Variants in NUDT4 observed in about 807,000 individuals in gnomAD.
NUDT4 encodes the protein nudix hydrolase 4.
A neutral mutation model predicts 23.1 loss-of-function variants in NUDT4; 5 were observed. The ratio of observed to expected loss-of-function variants is 0.22; its 90% CI spans 0.11 to 0.46. NUDT4 has a LOEUF of 0.46. Among genes scored for constraint, NUDT4 ranks in the 20% least tolerant of loss-of-function variants. NUDT4 has a pLI of 0.99. For missense variants in NUDT4, 96 were observed against 211.6 expected (o/e 0.45, Z 3.39); for synonymous variants, 50 against 79.0 (o/e 0.63, Z 1.95).
In NUDT4 at chr12:93,400,774, T is replaced by C. The variant is rs1877340657; in HGVS notation, c.*1395T>C. 1 of 152,302 alleles carries C rather than the reference T, an allele frequency of 6.6e-6. No individual in the cohort carries two copies. The highest frequency in any genetic ancestry group is 2.1e-4 in the South Asian group (1 of 4,836). 9.4% of individuals were successfully genotyped at this position (152,302 alleles called of 1,614,324 possible). ...ACAGGCGCCTGCCTCCATGCCTGGC[T>C]AATTTTGTATTTTTAGTAGAGACAG... On this transcript the variant is annotated 3_prime_UTR_variant, in exon 5 of 5. Coordinates refer to ENST00000415493, the MANE Select transcript of NUDT4 (RefSeq NM_019094.6).
At chr12:93,382,775 C>T (rs1254473462) in intron 1 of NUDT4, among the ~76,000 whole-genome samples, 7 of 148,368 alleles carry the variant, frequency 4.7e-5, no homozygotes, top group Non-Finnish European at 1.0e-4. Flanking sequence ...CTTCCAGGTT[C>T]ACGCCATTCT....
chr12:93,379,369 T>G (rs906681929), intron 1 of NUDT4, among the ~76,000 whole-genome samples: 2 of 152,186 alleles, frequency 1.3e-5, no homozygotes, highest in Admixed American at 6.5e-5. Flanking sequence ...ATAAATTACA[T>G]AGGTGAAAAA....
Position 93,403,326 on chromosome 12 carries a change from TTTGTTTTTTTGA to T in NUDT4, c.*3948_*3959del, listed in dbSNP as rs1565788733. ...TCTTGGTGTAGTTTTGGCTTTTTTG[TTTGTTTTTTTGA>T]GACAGCATCTCACACTGTCGCCCAG... On this transcript the variant is annotated 3_prime_UTR_variant, in exon 5 of 5. Transcript: ENST00000415493. 6.6e-6 allele frequency: 1 copy of T among 152,082 alleles called. No homozygotes were observed. The allele number at this position is 152,082 out of a possible 1,614,324, so 9.4% of individuals were successfully genotyped here. A position where few individuals can be genotyped will look rare whatever the true frequency, so the allele number is the denominator to read the frequency against.
chr12:93,399,350 A>G lies in NUDT4; in HGVS notation c.514A>G (p.Thr172Ala), dbSNP rs759772901. The change falls in exon 5 of 5, where the codon ACC (threonine) becomes GCC (alanine). Residue 172 changes from threonine (T) to alanine (A), a missense_variant. Physicochemically the swap from Thr to Ala is moderately conservative, Grantham distance 58. Coordinates refer to ENST00000415493, the MANE Select transcript of NUDT4 (RefSeq NM_019094.6). ...NNALFVTAAQ[T>A]SGLPSSVR is the part of the protein sequence containing the mutation. ...TGCCTTGTTTGTAACCGCTGCACAG[A>G]CCTCTGGGTTGCCATCTAGTGTAAG... is the stretch of plus-strand genomic sequence containing the variant. The G allele has an allele frequency of 8.9e-6, 8 of 896,572 alleles. No homozygotes were observed. Among genetic ancestry groups the G allele is most frequent in the Middle Eastern group, 2.4e-4 (1 of 4,148 alleles). The allele number at this position is 896,572 out of a possible 1,614,324, so 55.5% of individuals were successfully genotyped here.
At chr12:93,380,796 T>A (rs183773664) in intron 1 of NUDT4, among the ~76,000 whole-genome samples, 8,756 of 152,224 alleles carry the variant, frequency 0.058, 255 homozygotes, top group Non-Finnish European at 0.065. Context: ...TTGCCAGACT[T>A]CCCAGGACAG....
intron 1 of NUDT4, among the ~76,000 whole-genome samples, chr12:93,390,636 A>G (rs913752602): frequency 6.6e-6 from 1 of 152,076 alleles, no homozygotes; most frequent in South Asian, 2.1e-4. Flanking sequence ...AGACAGTCTC[A>G]TTCTGTCGCC....
intron 1 of NUDT4, 60 bp downstream of exon 1, chr12:93,378,481 T>C: frequency 6.9e-7 from 1 of 1,438,932 alleles, no homozygotes; most frequent in Admixed American, 2.5e-5. Context: ...GCCCGGGTGC[T>C]TCCCCTCGCT....
intron 1 of NUDT4, among the ~76,000 whole-genome samples, chr12:93,392,253 CCT>C (rs1491329985): frequency 2.9e-5 from 4 of 137,800 alleles, no homozygotes; most frequent in African/African-American, 1.0e-4. Context: ...TCCCCCCCCC[CCT>C]TTTTTTTTTC....
At chr12:93,398,247 GGA>G (rs1877074934) in intron 3 of NUDT4, among the ~76,000 whole-genome samples, 1 of 150,364 alleles carries the variant, frequency 6.7e-6, no homozygotes, top group Non-Finnish European at 1.5e-5. Flanking sequence ...GGCTGAGGCA[GGA>G]GAATCACTTG....
intron 2 of NUDT4, among the ~76,000 whole-genome samples, chr12:93,394,974 G>A (rs1876828548): frequency 6.6e-6 from 1 of 151,744 alleles, no homozygotes; most frequent in East Asian, 1.9e-4. Flanking sequence ...TCAGCCTCCC[G>A]AGTAGCTGGG....
chr12:93,390,569 A>G (rs1484618349), intron 1 of NUDT4, among the ~76,000 whole-genome samples: 1 of 151,862 alleles, frequency 6.6e-6, no homozygotes. Flanking sequence ...CTAATTTTCT[A>G]TAAAGTCTCA....
At chr12:93,390,361 T>C (rs1226343699) in intron 1 of NUDT4, among the ~76,000 whole-genome samples, 1 of 152,226 alleles carries the variant, frequency 6.6e-6, no homozygotes, top group Admixed American at 6.5e-5. Context: ...TTAACATTTT[T>C]ATTTAACTTA....
rs958440966 is a variant in NUDT4 at position 93,378,837 on chromosome 12, T to C, written c.99+416T>C. 9.3e-6 allele frequency: 9 copies of C among 969,214 alleles called. No individual in the cohort carries two copies. The African/African-American group carries it at 1.6e-4, about 17-fold the overall frequency. 60.0% of individuals were successfully genotyped at this position (969,214 alleles called of 1,614,324 possible). Reference sequence around the variant, plus strand: ...TTGTGCCTCTTTTACATATTTTCCTTCCATGTTACAGCCGTTTGCGGTCTC... The same window carrying C: ...TTGTGCCTCTTTTACATATTTTCCTCCCATGTTACAGCCGTTTGCGGTCTC... On this transcript the variant is annotated intron_variant, in intron 1 of 4. Coordinates refer to ENST00000415493, the MANE Select transcript of NUDT4 (RefSeq NM_019094.6).
chr12:93,397,900 C>G (rs1012149212), intron 3 of NUDT4, among the ~76,000 whole-genome samples: 3 of 152,088 alleles, frequency 2.0e-5, no homozygotes, highest in Non-Finnish European at 4.4e-5. Flanking sequence ...TTTGCTCTTA[C>G]AAAGGTCCTA....
intron 1 of NUDT4, among the ~76,000 whole-genome samples, chr12:93,382,674 C>CTTTTTTTTTTTTTTTTTTTTTTTTTTTTT (rs11315217): frequency 2.7e-5 from 3 of 111,646 alleles, no homozygotes; most frequent in African/African-American, 1.1e-4. Context: ...CAAAGGTAGC[C>CTTTTTTTTTTTTTTTTTTTTTTTTTTTTT]TTTTTTTTTT....
At chr12:93,392,243 T>TTCCC (rs1491364107) in intron 1 of NUDT4, among the ~76,000 whole-genome samples, 3 of 118,468 alleles carry the variant, frequency 2.5e-5, no homozygotes, top group African/African-American at 6.3e-5. Context: ...TTCCTTTGTT[T>TTCCC]CCCCCCCCCC....
Position 93,395,502 on chromosome 12 carries a change from GA to G in NUDT4, c.228del (p.Lys76AsnfsTer2). On this transcript the variant is annotated frameshift_variant, in exon 3 of 5. Transcript: ENST00000415493. LOFTEE classifies it high-confidence loss of function. ...REVYEEAGVK[G>X]KLGRLLGIFE... ...TTTTTTTAATAGGCTGGAGTCAAAG[GA>G]AAACTAGGCAGACTTCTGGGCATAT... The G allele has an allele frequency of 6.2e-7, 1 of 1,608,550 alleles. No individual in the cohort carries two copies. The highest frequency in any genetic ancestry group is 8.5e-7 in the Non-Finnish European group (1 of 1,175,130).
Position 93,404,994 on chromosome 12 carries a change from G to C in NUDT4, c.*5615G>C, listed in dbSNP as rs1383779506. The C allele has an allele frequency of 1.3e-5, 2 of 151,640 alleles. No individual in the cohort carries two copies. Among genetic ancestry groups the C allele is most frequent in the African/African-American group, 4.8e-5 (2 of 41,238 alleles). The allele number at this position is 151,640 out of a possible 1,614,324, so 9.4% of individuals were successfully genotyped here. On this transcript the variant is annotated 3_prime_UTR_variant, in exon 5 of 5. Coordinates refer to ENST00000415493, the MANE Select transcript of NUDT4 (RefSeq NM_019094.6). The stretch of plus-strand genomic sequence containing the variant: ...CTCACTACAATGGCAGAATTCAGTA[G>C]TTGAGACAGACCTATGGTCCACAAA...
chr12:93,381,218 A>G (rs1325023152), intron 1 of NUDT4, among the ~76,000 whole-genome samples: 2 of 152,190 alleles, frequency 1.3e-5, no homozygotes, highest in African/African-American at 2.4e-5. Context: ...TCCCAAGGTC[A>G]CAGAAGCTGG....
Sources: gnomAD v4.1 joint callset for allele counts (sites outside exome capture counted in the v4.1 genomes callset) on GRCh38, gnomAD v4.1.1 for gene constraint, MANE v1.5 for transcripts, NCBI Gene and HGNC (gene_info 2026-07-23, HGNC 2026-07-21) for gene names.